Variants in GRIN2B observed in about 807,000 individuals in gnomAD.
The protein encoded by GRIN2B is glutamate ionotropic receptor NMDA type subunit 2B, also known as glutamate receptor ionotropic, NMDA 2B.
In GRIN2B, 5 loss-of-function variants were observed where a neutral mutation model predicts 114.5. The observed-to-expected ratio is 0.04, with a 90% CI of 0.02 to 0.09. The LOEUF is 0.09. Among genes scored for constraint, GRIN2B ranks in the 10% least tolerant of loss-of-function variants. GRIN2B has a pLI of 1.00. For missense variants in GRIN2B, 1,108 were observed against 1,943.5 expected, an observed-to-expected ratio of 0.57 and a Z score of 8.08; for synonymous variants, 787 against 745.1, an observed-to-expected ratio of 1.06 and a Z score of -0.92.
chr12:13,881,394 C>T, intron 2 of GRIN2B, among the ~76,000 whole-genome samples: 1 of 152,212 alleles, frequency 6.6e-6, no homozygotes, highest in Non-Finnish European at 1.5e-5. Flanking sequence ...TCTTGTTCTT[C>T]ATCCTGTCTC....
At chr12:13,822,121 T>C (rs554857227) in intron 3 of GRIN2B, among the ~76,000 whole-genome samples, 2 of 152,288 alleles carry the variant, frequency 1.3e-5, no homozygotes, top group Non-Finnish European at 2.9e-5. Flanking sequence ...CCTAAAGTCT[T>C]ATGAAATTTT....
At chr12:13,969,642 CT>C (rs1225592963) in intron 2 of GRIN2B, among the ~76,000 whole-genome samples, 1 of 152,186 alleles carries the variant, frequency 6.6e-6, no homozygotes, top group Non-Finnish European at 1.5e-5. Flanking sequence ...CACTTCTTGT[CT>C]TTAAAGGATA....
intron 13 of GRIN2B, among the ~76,000 whole-genome samples, chr12:13,566,174 T>C (rs1032891575): frequency 1.3e-5 from 2 of 152,152 alleles, no homozygotes; most frequent in East Asian, 1.9e-4. Context: ...TAAAATACTA[T>C]AGGAAAATGA....
chr12:13,785,853 TCTA>T (rs2136659793), intron 3 of GRIN2B, among the ~76,000 whole-genome samples: 2 of 152,336 alleles, frequency 1.3e-5, no homozygotes, highest in South Asian at 4.1e-4. Flanking sequence ...TTGTCAAATA[TCTA>T]CTAAGAGGCA....
chr12:13,810,820 CA>C (rs1418588778), intron 3 of GRIN2B, among the ~76,000 whole-genome samples: 1 of 152,204 alleles, frequency 6.6e-6, no homozygotes, highest in Non-Finnish European at 1.5e-5. Context: ...TTGCTACTGT[CA>C]ACACTTTCAA....
At chr12:13,654,952 G>A (rs1197623790) in intron 5 of GRIN2B, among the ~76,000 whole-genome samples, 2 of 152,092 alleles carry the variant, frequency 1.3e-5, no homozygotes, top group African/African-American at 4.8e-5. Context: ...ACACCTGTTA[G>A]AAAGGACAGG....
In GRIN2B at chr12:13,843,486, C is replaced by T. The variant is rs185625522; in HGVS notation, c.411+22312G>A. On this transcript the variant is annotated intron_variant, in intron 3 of 13. Coordinates refer to ENST00000609686, the MANE Select transcript of GRIN2B (RefSeq NM_000834.5). Reference sequence around the variant, plus strand: ...TCTTCAAAGTAAAGATTAAATATACCTTTTTTTCTTAAAATGTCTGCACCT... The same window carrying T: ...TCTTCAAAGTAAAGATTAAATATACTTTTTTTTCTTAAAATGTCTGCACCT... 1.4e-4 allele frequency among the ~76,000 whole-genome samples: 21 copies of T among 152,122 alleles called. No individual in the cohort carries two copies. In the East Asian group the frequency reaches 3.7e-3, roughly 27 times the overall value.
chr12:13,687,034 C>G (rs1335416286), intron 4 of GRIN2B, among the ~76,000 whole-genome samples: 1 of 152,128 alleles, frequency 6.6e-6, no homozygotes, highest in Non-Finnish European at 1.5e-5. Context: ...TCTCAACATG[C>G]AGTGTCTCTT....
At chr12:13,827,770 C>G (rs1865072878) in intron 3 of GRIN2B, among the ~76,000 whole-genome samples, 1 of 152,092 alleles carries the variant, frequency 6.6e-6, no homozygotes, top group African/African-American at 2.4e-5. Flanking sequence ...CAACCTCCAC[C>G]TCCCGGGTTC....
chr12:13,590,814 T>C (rs1948999925), intron 10 of GRIN2B, among the ~76,000 whole-genome samples: 1 of 152,188 alleles, frequency 6.6e-6, no homozygotes, highest in Non-Finnish European at 1.5e-5. Flanking sequence ...CCCACTCCTG[T>C]GAGAAACCAT....
chr12:13,878,002 T>G (rs1866015072), intron 2 of GRIN2B, among the ~76,000 whole-genome samples: 2 of 140,718 alleles, frequency 1.4e-5, no homozygotes, highest in South Asian at 4.5e-4. Context: ...AGGCGGAGGT[T>G]CCAATGAGCC....
chr12:13,813,712 C>T (rs1864772785), intron 3 of GRIN2B, among the ~76,000 whole-genome samples: 1 of 152,166 alleles, frequency 6.6e-6, no homozygotes, highest in Non-Finnish European at 1.5e-5. Flanking sequence ...TGTCAAAATG[C>T]TAATTCATTC....
At position 13,629,751 on chromosome 12, in the gene GRIN2B, C is replaced by G. The variant is rs112171264; in HGVS notation, c.1126-13094G>C. On this transcript the variant is annotated intron_variant, in intron 5 of 13. Coordinates refer to ENST00000609686, the MANE Select transcript of GRIN2B (RefSeq NM_000834.5). ...TTGGCTTATCTCTTCAGATTCCTAGCCTTTTAATTTCATTTGATAACACAG... is the reference window on the plus strand; with the variant it reads ...TTGGCTTATCTCTTCAGATTCCTAGGCTTTTAATTTCATTTGATAACACAG... 1.6e-4 allele frequency among the ~76,000 whole-genome samples: 24 copies of G among 152,076 alleles called. 1 individual carries two copies. The highest frequency in any genetic ancestry group is 3.4e-3 in the Middle Eastern group (1 of 294).
chr12:13,978,407 TCAG>T (rs1863067748), intron 2 of GRIN2B, among the ~76,000 whole-genome samples: 1 of 152,154 alleles, frequency 6.6e-6, no homozygotes, highest in Admixed American at 6.5e-5. Context: ...AAGTAGCATT[TCAG>T]CAGTAAAACT....
In GRIN2B at chr12:13,539,927, G is replaced by T. The variant is rs1292903861; in HGVS notation, c.*22856C>A. On this transcript the variant is annotated 3_prime_UTR_variant, in exon 14 of 14. Coordinates refer to ENST00000609686, the MANE Select transcript of GRIN2B (RefSeq NM_000834.5). ...ATGGCTACCTTATGATGTCACAATGGTATTGTTAAACTAAAAAAGAGTCCT... is the reference window on the plus strand; with the variant it reads ...ATGGCTACCTTATGATGTCACAATGTTATTGTTAAACTAAAAAAGAGTCCT... 1 of 152,090 alleles carries T rather than the reference G, an allele frequency of 6.6e-6. No homozygotes were observed. The highest frequency in any genetic ancestry group is 1.5e-5 in the Non-Finnish European group (1 of 68,018). The allele number at this position is 152,090 out of a possible 1,614,324, so 9.4% of individuals were successfully genotyped here. A position where few individuals can be genotyped will look rare whatever the true frequency, so the allele number is the denominator to read the frequency against.
At chr12:13,700,816 G>A (rs1950305037) in intron 4 of GRIN2B, among the ~76,000 whole-genome samples, 1 of 152,208 alleles carries the variant, frequency 6.6e-6, no homozygotes, top group Non-Finnish European at 1.5e-5. Context: ...GTTTGGAGGT[G>A]ATTTGCTATG....
chr12:13,824,454 G>A (rs539042314), intron 3 of GRIN2B, among the ~76,000 whole-genome samples: 9 of 151,928 alleles, frequency 5.9e-5, no homozygotes, highest in Middle Eastern at 3.4e-3. Flanking sequence ...ATTTTGATAC[G>A]CTCTATAGTG....
intron 2 of GRIN2B, among the ~76,000 whole-genome samples, chr12:13,976,433 A>G (rs1195741786): frequency 1.3e-5 from 2 of 152,184 alleles, no homozygotes; most frequent in Non-Finnish European, 2.9e-5. Flanking sequence ...GAAAAAGAGG[A>G]GCTTCATTTT....
intron 12 of GRIN2B, 58 bp from the exon 13 acceptor site, chr12:13,567,321 GA>G (rs1948654398): frequency 1.6e-6 from 2 of 1,227,584 alleles, no homozygotes; most frequent in Non-Finnish European, 2.4e-6. Flanking sequence ...AAGGAGCAGA[GA>G]AAAGGGAGAA....
Sources: allele counts gnomAD v4.1 joint callset (sites outside exome capture counted in the v4.1 genomes callset), GRCh38; gene constraint gnomAD v4.1.1; transcripts MANE v1.5; gene names NCBI Gene and HGNC (gene_info 2026-07-23, HGNC 2026-07-21).